Variants in DPP9 observed in about 807,000 individuals in gnomAD.
DPP9 encodes the protein dipeptidyl peptidase 9, also known as dipeptidyl peptidase IV-related protein-2.
In DPP9, 50 loss-of-function variants were observed where a neutral mutation model predicts 110.7. That is an observed-to-expected ratio of 0.45 (90% CI 0.36 to 0.57). DPP9 has a LOEUF of 0.57. Among genes scored for constraint, DPP9 ranks in the 20% least tolerant of loss-of-function variants. The pLI is 0.00. For synonymous variants in DPP9, 561 were observed against 514.4 expected, an observed-to-expected ratio of 1.09 and a Z score of -1.23; for missense variants, 1,022 against 1,217.9, an observed-to-expected ratio of 0.84 and a Z score of 2.39.
At position 4,685,843 on chromosome 19, in the gene DPP9, C is replaced by T; in HGVS notation, c.1886-72G>A. 1 of 1,560,418 alleles carries T rather than the reference C, an allele frequency of 6.4e-7. No individual in the cohort carries two copies. Among genetic ancestry groups the T allele is most frequent in the Non-Finnish European group, 8.7e-7 (1 of 1,150,624 alleles). On this transcript the variant is annotated intron_variant, in intron 16 of 21. Transcript: ENST00000262960. The surrounding 1 kb of genome is among the most constrained non-coding windows in gnomAD (Gnocchi z 5.8). The stretch of plus-strand genomic sequence containing the variant: ...CAGCTGACACCCTTGTTCTCCTGCC[C>T]ACCCCAAGCCTTGGAGGGTGGACCA...
chr19:4,713,811 C>T lies in DPP9; in HGVS notation c.313+270G>A, dbSNP rs536910332. On this transcript the variant is annotated intron_variant, in intron 4 of 21. Coordinates refer to ENST00000262960, the MANE Select transcript of DPP9 (RefSeq NM_139159.5). ...CTTGGAGCCACAGGGCCGGCTTGAGCCACGGCATCCTGGCCACATGGAGGA... is the reference window on the plus strand; with the variant it reads ...CTTGGAGCCACAGGGCCGGCTTGAGTCACGGCATCCTGGCCACATGGAGGA... 1.1e-3 allele frequency among the ~76,000 whole-genome samples: 173 copies of T among 152,308 alleles called. 1 individual carries two copies. The highest frequency in any genetic ancestry group is 3.3e-3 in the South Asian group (16 of 4,828).
chr19:4,697,732 C>T lies in DPP9; in HGVS notation c.1075-81G>A, dbSNP rs968274195. On this transcript the variant is annotated intron_variant, in intron 10 of 21. Transcript: ENST00000262960. Reference sequence around the variant, plus strand: ...AGGAGAAGGCCACTGCGCTGGGTCCCATCATGTCCCCCCCAAATTCATATG... The same window carrying T: ...AGGAGAAGGCCACTGCGCTGGGTCCTATCATGTCCCCCCCAAATTCATATG... The T allele has an allele frequency of 7.4e-5, 83 of 1,126,094 alleles. No individual in the cohort carries two copies. The Admixed American group carries it at 1.8e-3, about 24-fold the overall frequency. The allele number at this position is 1,126,094 out of a possible 1,614,324, so 69.8% of individuals were successfully genotyped here.
At chr19:4,713,097 A>G (rs1448475941) in intron 4 of DPP9, among the ~76,000 whole-genome samples, 2 of 152,224 alleles carry the variant, frequency 1.3e-5, no homozygotes, top group African/African-American at 2.4e-5. Context: ...TGCTCCTGGC[A>G]TGGAGTGGGT....
rs1225991045 is a variant in DPP9, at chr19:4,695,781, G to A, written c.1176-226C>T. Among the ~76,000 whole-genome samples the A allele has an allele frequency of 6.6e-6, 1 of 152,214 alleles. No homozygotes were observed. Among genetic ancestry groups the A allele is most frequent in the African/African-American group, 2.4e-5 (1 of 41,448 alleles). Reference sequence around the variant, plus strand: ...GGTGACAAGATTTCATGATCCAAGTGTTCCGGAAACAATGGCCTAAGTCTC... The same window carrying A: ...GGTGACAAGATTTCATGATCCAAGTATTCCGGAAACAATGGCCTAAGTCTC... On this transcript the variant is annotated intron_variant, in intron 11 of 21. Transcript: ENST00000262960. The surrounding 1 kb of genome is among the most constrained non-coding windows in gnomAD (Gnocchi z 4.7).
Position 4,722,538 on chromosome 19 carries a change from C to G in DPP9, c.-75G>C, listed in dbSNP as rs963001747. 2.8e-6 allele frequency: 2 copies of G among 702,964 alleles called. No individual in the cohort carries two copies. The highest frequency in any genetic ancestry group is 3.5e-5 in the African/African-American group (2 of 57,242). The allele number at this position is 702,964 out of a possible 1,614,324, so 43.5% of individuals were successfully genotyped here. On this transcript the variant is annotated 5_prime_UTR_variant, in exon 2 of 22. Transcript: ENST00000262960. ...AGAGAGCCTCCATTCCAGCTGCAGGCGTGGGACACAGACCTTTATAGGATA... is the reference window on the plus strand; with the variant it reads ...AGAGAGCCTCCATTCCAGCTGCAGGGGTGGGACACAGACCTTTATAGGATA...
chr19:4,699,830 C>T (rs917407101), intron 10 of DPP9, among the ~76,000 whole-genome samples: 2 of 152,254 alleles, frequency 1.3e-5, no homozygotes, highest in African/African-American at 4.8e-5. Context: ...CCCCAGCCAT[C>T]TGCCCCACGG....
intron 15 of DPP9, 92 bp from the exon 16 acceptor site, chr19:4,688,984 G>A (rs887229752): frequency 3.6e-5 from 44 of 1,214,992 alleles, no homozygotes; most frequent in Admixed American, 1.2e-4. Context: ...CTTCCCTCCC[G>A]CCCGCCCCCA....
rs1408487453 is a variant in DPP9, at chr19:4,693,407, T to TA, written c.1516+1253dup. Reference sequence around the variant, plus strand: ...AGCTCCAGGCACGGGAACTGGCCCATACAGCATCTCCACTACCGGGCACCT... The same window carrying TA: ...AGCTCCAGGCACGGGAACTGGCCCATAACAGCATCTCCACTACCGGGCACCT... On this transcript the variant is annotated intron_variant, in intron 13 of 21. Transcript: ENST00000262960. The surrounding 1 kb of genome is among the most constrained non-coding windows in gnomAD (Gnocchi z 5.0). Among the ~76,000 whole-genome samples the TA allele has an allele frequency of 3.3e-5, 5 of 152,086 alleles. No individual in the cohort carries two copies. The highest frequency in any genetic ancestry group is 1.3e-4 in the Admixed American group (2 of 15,264).
rs1389079348 is a variant in DPP9 at position 4,685,632 on chromosome 19, G to A, written c.2025C>T (p.Gly675=). The A allele has an allele frequency of 6.2e-7, 1 of 1,605,396 alleles. No individual in the cohort carries two copies. The highest frequency in any genetic ancestry group is 8.5e-7 in the Non-Finnish European group (1 of 1,176,546). The change falls in exon 17 of 22, where the codon GGC becomes GGT. Residue 675 remains glycine, a synonymous_variant. Transcript: ENST00000262960. The surrounding 1 kb of genome is among the most constrained non-coding windows in gnomAD (Gnocchi z 5.8). ...GGAGCAGGTGTGCACTCACCTGGGG[G>A]CCTCCATATACAAAGAGGACGGTGG... is the stretch of plus-strand genomic sequence containing the variant. ...KHPTVLFVYG[G]PQVQLVNNSF...
At position 4,676,355 on chromosome 19, in the gene DPP9, C is replaced by T. The variant is rs746625987; in HGVS notation, c.*209G>A. 1.7e-6 allele frequency: 1 copy of T among 581,354 alleles called. No homozygotes were observed. The highest frequency in any genetic ancestry group is 3.1e-6 in the Non-Finnish European group (1 of 323,876). The allele number at this position is 581,354 out of a possible 1,614,324, so 36.0% of individuals were successfully genotyped here. On this transcript the variant is annotated 3_prime_UTR_variant, in exon 22 of 22. Coordinates refer to ENST00000262960, the MANE Select transcript of DPP9 (RefSeq NM_139159.5). This position sits in a 1 kb window ranked among gnomAD's most constrained non-coding sequence, Gnocchi z 4.0. The stretch of plus-strand genomic sequence containing the variant: ...ACCACCATCTCTCTGTCTCGGCAAC[C>T]AAGAAGCAGCGGACATAAAACCCAA...
At chr19:4,681,628 G>A (rs575138707) in intron 20 of DPP9, among the ~76,000 whole-genome samples, 9 of 152,034 alleles carry the variant, frequency 5.9e-5, no homozygotes, top group African/African-American at 1.9e-4. Flanking sequence ...GCAGTGGCAC[G>A]ATGTTCGCTC....
chr19:4,722,897 G>A lies in DPP9; in HGVS notation c.-88-346C>T, dbSNP rs147175746. ...GGGCCCCTGGGGAAGACCAGGGGGT[G>A]GGGGCCAAGGGAATAGACCACTTTT... On this transcript the variant is annotated intron_variant, in intron 1 of 21. Transcript: ENST00000262960. 667 of 274,170 alleles carry A rather than the reference G, an allele frequency of 2.4e-3. 2 individuals carry two copies. Among genetic ancestry groups the A allele is most frequent in the Non-Finnish European group, 3.0e-3 (424 of 141,998 alleles). The allele number at this position is 274,170 out of a possible 1,614,324, so 17.0% of individuals were successfully genotyped here. A position where few individuals can be genotyped will look rare whatever the true frequency, so the allele number is the denominator to read the frequency against.
At chr19:4,691,014 A>G in intron 13 of DPP9, 57 bp from the exon 14 acceptor site, 1 of 1,428,652 alleles carries the variant, frequency 7.0e-7, no homozygotes, top group Admixed American at 1.9e-5. Context: ...CAGGCGCCCA[A>G]AGGCACCCAG....
At chr19:4,697,830 TAAGAC>T (rs1392388372) in intron 10 of DPP9, among the ~76,000 whole-genome samples, 179 bp from the exon 11 acceptor site, 1 of 152,136 alleles carries the variant, frequency 6.6e-6, no homozygotes, top group African/African-American at 2.4e-5. Flanking sequence ...TGTACTGAGT[TAAGAC>T]AAGGTTGTGT....
At chr19:4,697,713 AGGCCACTGCGCT>A in intron 10 of DPP9, 62 bp from the exon 11 acceptor site, 1 of 1,413,722 alleles carries the variant, frequency 7.1e-7, no homozygotes, top group East Asian at 2.3e-5. Context: ...TCGGAGGAGA[AGGCCACTGCGCT>A]GGGTCCCATC....
rs1309310463 is a variant in DPP9 at position 4,683,289 on chromosome 19, G to A, written c.2331+188C>T. On this transcript the variant is annotated intron_variant, in intron 19 of 21. Coordinates refer to ENST00000262960, the MANE Select transcript of DPP9 (RefSeq NM_139159.5). ...ATGCCATCCTGCGGTCGGCGGTGGC[G>A]GGCAATGAGGAGGGGGGCTCGGCCC... 9.7e-6 allele frequency: 14 copies of A among 1,438,770 alleles called. No individual in the cohort carries two copies. The Middle Eastern group carries it at 5.7e-4, about 59-fold the overall frequency. 89.1% of individuals were successfully genotyped at this position (1,438,770 alleles called of 1,614,324 possible).
chr19:4,706,107 C>G (rs1001798806), intron 4 of DPP9, 137 bp from the exon 5 acceptor site: 3 of 676,968 alleles, frequency 4.4e-6, no homozygotes, highest in Admixed American at 2.9e-5. Flanking sequence ...CAGCCCTCCC[C>G]GGAAAGCTAT....
At chr19:4,680,216 A>G (rs1363950019) in intron 20 of DPP9, among the ~76,000 whole-genome samples, 1 of 147,940 alleles carries the variant, frequency 6.8e-6, no homozygotes, top group East Asian at 2.0e-4. Flanking sequence ...AGCCTGGGCG[A>G]CAGATGGAGA....
intron 20 of DPP9, 92 bp from the exon 21 acceptor site, chr19:4,680,038 T>C: frequency 1.2e-6 from 1 of 844,548 alleles, no homozygotes; most frequent in Non-Finnish European, 2.0e-6. Flanking sequence ...GAGACCAGCC[T>C]GGCCAACATG....
Sources: gnomAD v4.1 joint callset for allele counts (sites outside exome capture counted in the v4.1 genomes callset) on GRCh38, gnomAD v4.1.1 for gene constraint, Gnocchi (gnomAD v3.1) non-coding constraint, MANE v1.5 for transcripts, NCBI Gene and HGNC (gene_info 2026-07-23, HGNC 2026-07-21) for gene names.